Variants in DCAF10 observed in about 807,000 individuals in gnomAD.
DCAF10 encodes the protein DDB1 and CUL4 associated factor 10.
In DCAF10, 19 loss-of-function variants were observed where a neutral mutation model predicts 51.9. The ratio of observed to expected loss-of-function variants is 0.37; its 90% CI spans 0.26 to 0.54. DCAF10 has a LOEUF of 0.54. DCAF10 is among the 20% of genes least tolerant of loss of function. The pLI is 0.87. For missense variants in DCAF10, 510 were observed against 730.6 expected, an observed-to-expected ratio of 0.70 and a Z score of 3.48; for synonymous variants, 291 against 297.1, an observed-to-expected ratio of 0.98 and a Z score of 0.21.
intron 2 of DCAF10, 149 bp from the exon 3 acceptor site, chr9:37,841,940 T>G: frequency 1.7e-6 from 1 of 587,144 alleles, no homozygotes; most frequent in Non-Finnish European, 2.8e-6. Flanking sequence ...ATACTTTTTA[T>G]AGTATATCAG....
chr9:37,848,588 A>G (rs1222971337), intron 3 of DCAF10, among the ~76,000 whole-genome samples: 6 of 152,190 alleles, frequency 3.9e-5, no homozygotes, highest in Admixed American at 3.9e-4. Flanking sequence ...AGTGATTGCT[A>G]ATGGGCAGGA....
chr9:37,827,303 T>C (rs1474259691), intron 2 of DCAF10, among the ~76,000 whole-genome samples: 2 of 152,104 alleles, frequency 1.3e-5, no homozygotes, highest in Non-Finnish European at 2.9e-5. Context: ...GATGAAAATA[T>C]GCTACAATAG....
Position 37,862,383 on chromosome 9 carries a change from ATGACTTAGATTTTCTG to A in DCAF10, c.*877_*892del, listed in dbSNP as rs1831042403. 1.3e-5 allele frequency: 2 copies of A among 152,406 alleles called. No homozygotes were observed. Among genetic ancestry groups the A allele is most frequent in the African/African-American group, 4.8e-5 (2 of 41,586 alleles). 9.4% of individuals were successfully genotyped at this position (152,406 alleles called of 1,614,324 possible). ...CTGGCCATAGAGTGATAAGAACAATATGACTTAGATTTTCTGTATTTCATCTGCCAGATTATTTGAA... is the reference window on the plus strand; with the variant it reads ...CTGGCCATAGAGTGATAAGAACAATATATTTCATCTGCCAGATTATTTGAA... On this transcript the variant is annotated 3_prime_UTR_variant, in exon 7 of 7. Coordinates refer to ENST00000377724, the MANE Select transcript of DCAF10 (RefSeq NM_024345.5).
At chr9:37,850,827 TATATATATATATA>T (rs1205508778) in intron 3 of DCAF10, among the ~76,000 whole-genome samples, 7 of 66,080 alleles carry the variant, frequency 1.1e-4, no homozygotes, top group African/African-American at 4.9e-4. Flanking sequence ...GGATATATTT[TATATATATATATA>T]TATATATATA....
intron 1 of DCAF10, among the ~76,000 whole-genome samples, chr9:37,808,505 CATAT>C (rs201758009): frequency 2.8e-5 from 3 of 106,468 alleles, no homozygotes; most frequent in African/African-American, 1.0e-4. Context: ...ATATATAAAA[CATAT>C]ATTTATATAA....
intron 1 of DCAF10, among the ~76,000 whole-genome samples, chr9:37,803,195 C>CA (rs1347212788): frequency 6.6e-6 from 1 of 151,916 alleles, no homozygotes; most frequent in Admixed American, 6.6e-5. Flanking sequence ...AATAAATGAG[C>CA]AAAAAATACC....
At chr9:37,809,632 G>A (rs890406993) in intron 1 of DCAF10, among the ~76,000 whole-genome samples, 2 of 152,058 alleles carry the variant, frequency 1.3e-5, no homozygotes, top group East Asian at 3.9e-4. Context: ...TCAGGAGTTC[G>A]AGACCAGCCT....
intron 6 of DCAF10, 168 bp downstream of exon 6, chr9:37,860,361 G>A (rs1469689412): frequency 2.4e-6 from 2 of 850,868 alleles, no homozygotes; most frequent in East Asian, 2.7e-5. Context: ...GCTTCATATG[G>A]TATCATTATC....
chr9:37,841,381 G>A (rs1391787019), intron 2 of DCAF10, among the ~76,000 whole-genome samples: 1 of 152,126 alleles, frequency 6.6e-6, no homozygotes, highest in East Asian at 1.9e-4. Context: ...GTTAAATTAA[G>A]CAAAAATTCA....
At chr9:37,836,262 G>C in intron 2 of DCAF10, 1 of 1,569,026 alleles carries the variant, frequency 6.4e-7, no homozygotes, top group South Asian at 1.1e-5. Flanking sequence ...AGATGTCTAC[G>C]TGGAATATAT....
chr9:37,855,215 C>T (rs970512500), intron 4 of DCAF10, among the ~76,000 whole-genome samples: 1 of 152,206 alleles, frequency 6.6e-6, no homozygotes, highest in African/African-American at 2.4e-5. Context: ...GGAGGAATAA[C>T]TGCTGACCCT....
intron 1 of DCAF10, among the ~76,000 whole-genome samples, chr9:37,803,475 CTATT>C (rs992169083): frequency 1.3e-5 from 2 of 151,728 alleles, no homozygotes; most frequent in African/African-American, 4.8e-5. Flanking sequence ...ATTTTTATAT[CTATT>C]GTTAAATTGC....
chr9:37,844,873 ATAT>A (rs1454284012), intron 3 of DCAF10, among the ~76,000 whole-genome samples: 2 of 151,786 alleles, frequency 1.3e-5, no homozygotes, highest in Non-Finnish European at 2.9e-5. Flanking sequence ...GAAGATTTAA[ATAT>A]TATTAATAAG....
chr9:37,820,563 T>C (rs146686018), intron 2 of DCAF10, among the ~76,000 whole-genome samples: 2 of 152,270 alleles, frequency 1.3e-5, no homozygotes, highest in East Asian at 3.9e-4. Context: ...GCCTCATCAA[T>C]AGCTATTGAA....
chr9:37,835,555 G>C (rs532191226), intron 2 of DCAF10, among the ~76,000 whole-genome samples: 1 of 152,066 alleles, frequency 6.6e-6, no homozygotes, highest in East Asian at 1.9e-4. Flanking sequence ...TCCAGCCTGG[G>C]AGACAGAGTG....
At chr9:37,802,766 G>A (rs1828996312) in intron 1 of DCAF10, among the ~76,000 whole-genome samples, 1 of 152,168 alleles carries the variant, frequency 6.6e-6, no homozygotes, top group Non-Finnish European at 1.5e-5. Context: ...TGAATAAGGT[G>A]GAAAACTGGT....
intron 1 of DCAF10, among the ~76,000 whole-genome samples, chr9:37,804,380 G>C (rs1240165224): frequency 6.6e-6 from 1 of 152,020 alleles, no homozygotes; most frequent in Non-Finnish European, 1.5e-5. Context: ...TTGAAGAAAG[G>C]CACCAAGCCA....
chr9:37,826,870 G>T (rs1829867629), intron 2 of DCAF10, among the ~76,000 whole-genome samples: 1 of 139,056 alleles, frequency 7.2e-6, no homozygotes, highest in Admixed American at 7.8e-5. Flanking sequence ...TTGTTGCCCA[G>T]GCTGGAGAGC....
At chr9:37,840,835 C>T (rs758813511) in intron 2 of DCAF10, among the ~76,000 whole-genome samples, 9 of 152,108 alleles carry the variant, frequency 5.9e-5, no homozygotes, top group Non-Finnish European at 1.2e-4. Flanking sequence ...CCTATACAGG[C>T]GTAACATTTT....
Sources: allele counts gnomAD v4.1 joint callset (sites outside exome capture counted in the v4.1 genomes callset), GRCh38; gene constraint gnomAD v4.1.1; transcripts MANE v1.5; gene names NCBI Gene and HGNC (gene_info 2026-07-23, HGNC 2026-07-21).